KCNIP4: variants seen among roughly 807,000 people sequenced by gnomAD.
KCNIP4 encodes the protein potassium voltage-gated channel interacting protein 4.
A neutral mutation model predicts 34.0 loss-of-function variants in KCNIP4; 12 were observed. The ratio of observed to expected loss-of-function variants is 0.35; its 90% CI spans 0.23 to 0.57. The LOEUF (loss-of-function observed/expected upper bound fraction) is 0.57, where lower values mean the gene tolerates loss of function less well. Ranked by LOEUF, KCNIP4 falls within the 20% of genes least tolerant of loss-of-function variation. The pLI, the probability that KCNIP4 is intolerant of heterozygous loss-of-function variation, is 0.83. For missense variants in KCNIP4, 238 were observed against 311.7 expected, an observed-to-expected ratio of 0.76 and a Z score of 1.78; for synonymous variants, 124 against 102.2, an observed-to-expected ratio of 1.21 and a Z score of -1.29.
chr4:21,044,736 ACT>A (rs1454533713), intron 1 of KCNIP4, among the ~76,000 whole-genome samples: 1 of 151,950 alleles, frequency 6.6e-6, no homozygotes, highest in African/African-American at 2.4e-5. Flanking sequence ...CCCTCCTGGG[ACT>A]CTTTCTCTGC....
At chr4:21,425,989 G>A (rs1425259971) in intron 1 of KCNIP4, among the ~76,000 whole-genome samples, 1 of 152,094 alleles carries the variant, frequency 6.6e-6, no homozygotes, top group Non-Finnish European at 1.5e-5. Context: ...GGGAGGGAGA[G>A]GTTGCAGTGA....
At chr4:21,445,226 T>TC (rs1487854518) in intron 1 of KCNIP4, among the ~76,000 whole-genome samples, 1 of 152,118 alleles carries the variant, frequency 6.6e-6, no homozygotes, top group East Asian at 1.9e-4. Flanking sequence ...TTCAATGCCA[T>TC]CCCCATCAAG....
intron 1 of KCNIP4, among the ~76,000 whole-genome samples, chr4:21,252,922 A>G (rs1760819541): frequency 6.6e-6 from 1 of 152,130 alleles, no homozygotes; most frequent in Non-Finnish European, 1.5e-5. Flanking sequence ...CAGCATTTCA[A>G]CTTTCCTATC....
In KCNIP4 at chr4:21,720,442, C is replaced by T. The variant is rs143881842; in HGVS notation, c.61+228129G>A. On this transcript the variant is annotated intron_variant, in intron 1 of 8. Transcript: ENST00000382152. ...TATCTAAGTGATAGAAAACTTTTTTCTTATTTTGTTTTATTTTCTTTATTT... is the reference window on the plus strand; with the variant it reads ...TATCTAAGTGATAGAAAACTTTTTTTTTATTTTGTTTTATTTTCTTTATTT... 7.5e-3 allele frequency among the ~76,000 whole-genome samples: 1,136 copies of T among 151,448 alleles called. 6 individuals carry two copies. The highest frequency in any genetic ancestry group is 0.011 in the Non-Finnish European group (759 of 67,798).
At chr4:21,590,102 G>T (rs773811550) in intron 1 of KCNIP4, among the ~76,000 whole-genome samples, 5 of 151,930 alleles carry the variant, frequency 3.3e-5, no homozygotes, top group Non-Finnish European at 5.9e-5. Context: ...TATAAAAGTG[G>T]TATTATGAAA....
At chr4:21,471,794 A>C (rs1233302427) in intron 1 of KCNIP4, among the ~76,000 whole-genome samples, 4 of 152,222 alleles carry the variant, frequency 2.6e-5, no homozygotes, top group African/African-American at 9.6e-5. Context: ...CCATCCCTGG[A>C]TTTTAAATTC....
chr4:21,787,479 C>A (rs544758031), intron 1 of KCNIP4, among the ~76,000 whole-genome samples: 1 of 152,290 alleles, frequency 6.6e-6, no homozygotes, highest in Admixed American at 6.5e-5. Context: ...TCAGTACACT[C>A]CAGATATTAT....
chr4:21,080,210 G>A (rs1423381407), intron 1 of KCNIP4, among the ~76,000 whole-genome samples: 2 of 151,850 alleles, frequency 1.3e-5, no homozygotes, highest in East Asian at 3.9e-4. Flanking sequence ...TGTGATCCCA[G>A]GCAAGTTATT....
At chr4:21,645,620 G>T (rs1362022197) in intron 1 of KCNIP4, among the ~76,000 whole-genome samples, 1 of 152,094 alleles carries the variant, frequency 6.6e-6, no homozygotes, top group Non-Finnish European at 1.5e-5. Context: ...CTAGGCTCTT[G>T]TGTGGGACAG....
At chr4:21,407,373 G>T (rs1724083280) in intron 1 of KCNIP4, among the ~76,000 whole-genome samples, 2 of 151,898 alleles carry the variant, frequency 1.3e-5, no homozygotes, top group Admixed American at 1.3e-4. Flanking sequence ...ACTCATAATT[G>T]CTGGGCATTT....
At position 21,677,098 on chromosome 4, in the gene KCNIP4, A is replaced by G. The variant is rs562048118; in HGVS notation, c.61+271473T>C. ...AAAGCAGTCCATTAAAAAAACAGAA[A>G]TGCCAAGTTAGACATTTTGGCTTTT... On this transcript the variant is annotated intron_variant, in intron 1 of 8. Transcript: ENST00000382152. 7.2e-5 allele frequency among the ~76,000 whole-genome samples: 11 copies of G among 152,212 alleles called. No homozygotes were observed. In the South Asian group the frequency reaches 2.1e-3, roughly 29 times the overall value.
chr4:21,641,431 G>A (rs1028708132), intron 1 of KCNIP4, among the ~76,000 whole-genome samples: 1 of 152,206 alleles, frequency 6.6e-6, no homozygotes, highest in African/African-American at 2.4e-5. Flanking sequence ...AGAACCCCGA[G>A]TAGTGCATCT....
At position 21,556,880 on chromosome 4, in the gene KCNIP4, C is replaced by A. The variant is rs139027824; in HGVS notation, c.61+391691G>T. On this transcript the variant is annotated intron_variant, in intron 1 of 8. Transcript: ENST00000382152. ...AGGCTGTAGTGAGCTGAGATTACGC[C>A]ACTGCACTCCAGCCTGATCAACAAA... 3.3e-3 allele frequency among the ~76,000 whole-genome samples: 385 copies of A among 117,836 alleles called. 1 individual carries two copies. The highest frequency in any genetic ancestry group is 0.011 in the African/African-American group (353 of 31,820). 77.3% of individuals were successfully genotyped at this position (117,836 alleles called of 152,430 possible).
At chr4:21,930,805 G>A (rs1729519636) in intron 1 of KCNIP4, among the ~76,000 whole-genome samples, 1 of 152,066 alleles carries the variant, frequency 6.6e-6, no homozygotes, top group Admixed American at 6.6e-5. Flanking sequence ...CTTTGTAGCT[G>A]GCTCTATTTT....
chr4:21,106,442 T>A (rs1363301175), intron 1 of KCNIP4, among the ~76,000 whole-genome samples: 5 of 151,694 alleles, frequency 3.3e-5, no homozygotes, highest in Non-Finnish European at 5.9e-5. Flanking sequence ...TCGGTGGTGA[T>A]ATCCCCTTTA....
chr4:21,483,719 G>T (rs1413389422), intron 1 of KCNIP4, among the ~76,000 whole-genome samples: 2 of 152,034 alleles, frequency 1.3e-5, no homozygotes, highest in Non-Finnish European at 2.9e-5. Context: ...GAACCTGGGA[G>T]GTGGAGGTTG....
intron 1 of KCNIP4, among the ~76,000 whole-genome samples, chr4:21,433,924 A>T (rs534439421): frequency 6.6e-6 from 1 of 152,240 alleles, no homozygotes; most frequent in Non-Finnish European, 1.5e-5. Flanking sequence ...GTTAATAAAG[A>T]GTTACAGGTC....
intron 1 of KCNIP4, among the ~76,000 whole-genome samples, chr4:21,589,156 G>GTGTA (rs1175502330): frequency 9.8e-5 from 7 of 71,238 alleles, no homozygotes; most frequent in Admixed American, 1.8e-4. Flanking sequence ...ATGGAGGTGT[G>GTGTA]TATATATATA....
intron 1 of KCNIP4, among the ~76,000 whole-genome samples, chr4:21,193,426 G>A (rs182762163): frequency 3.3e-5 from 5 of 152,100 alleles, no homozygotes; most frequent in South Asian, 2.1e-4. Flanking sequence ...TCCTGCTCAC[G>A]CTGAGAAAAA....
Sources: allele counts gnomAD v4.1 joint callset (sites outside exome capture counted in the v4.1 genomes callset), GRCh38; gene constraint gnomAD v4.1.1; transcripts MANE v1.5; gene names NCBI Gene and HGNC (gene_info 2026-07-23, HGNC 2026-07-21).